ENTPD5: variants seen among roughly 807,000 people sequenced by gnomAD.
ENTPD5 encodes nucleoside diphosphate phosphatase ENTPD5.
Under a neutral mutation model 60.2 loss-of-function variants are expected in ENTPD5, and 49 were observed. The ratio of observed to expected loss-of-function variants is 0.81; its 90% CI spans 0.65 to 1.03. The LOEUF (loss-of-function observed/expected upper bound fraction) is 1.03, where lower values mean the gene tolerates loss of function less well. Ranked by LOEUF, ENTPD5 falls within the 50% of genes least tolerant of loss-of-function variation. The pLI, the probability that ENTPD5 is intolerant of heterozygous loss-of-function variation, is 0.00. For missense variants in ENTPD5, 480 were observed against 507.6 expected (o/e 0.95, Z 0.52); for synonymous variants, 187 against 185.4 (o/e 1.01, Z -0.07).
intron 13 of ENTPD5, 56 bp downstream of exon 13, chr14:73,972,827 TC>T: frequency 6.3e-7 from 1 of 1,586,288 alleles, no homozygotes; most frequent in Non-Finnish European, 8.6e-7. Context: ...TCCTTGACCT[TC>T]CCCACCACAG....
downstream of ENTPD5, chr14:73,961,637 G>A: frequency 6.2e-7 from 1 of 1,600,684 alleles, no homozygotes; most frequent in Non-Finnish European, 8.6e-7. Context: ...AGGGCCCACA[G>A]TAGCAAGAGG....
chr14:73,958,057 G>A (rs1056664879), downstream of ENTPD5: 5 of 1,005,644 alleles, frequency 5.0e-6, no homozygotes, highest in Non-Finnish European at 6.4e-6. Context: ...CTGCTGTCCT[G>A]GGACCTTGCT....
intron 3 of ENTPD5, among the ~76,000 whole-genome samples, chr14:73,993,880 G>C (rs2058234234): frequency 6.7e-6 from 1 of 149,642 alleles, no homozygotes; most frequent in Admixed American, 6.7e-5. Flanking sequence ...AGATTTCAAA[G>C]GTGAAAAAAA....
chr14:73,975,403 CTTTTT>C (rs56885977), intron 10 of ENTPD5, among the ~76,000 whole-genome samples: 7 of 115,566 alleles, frequency 6.1e-5, no homozygotes, highest in Non-Finnish European at 7.0e-5. Flanking sequence ...GCTTTTGATT[CTTTTT>C]TTTTTTTTTT....
chr14:74,000,390 G>A (rs1317944924), intron 3 of ENTPD5, among the ~76,000 whole-genome samples: 1 of 151,172 alleles, frequency 6.6e-6, no homozygotes. Context: ...CCCCTGGGAG[G>A]TGGAGGTTGC....
chr14:73,981,724 T>C (rs1380885317), intron 6 of ENTPD5, among the ~76,000 whole-genome samples: 1 of 151,622 alleles, frequency 6.6e-6, no homozygotes, highest in Non-Finnish European at 1.5e-5. Context: ...GGAGGATTGC[T>C]TGAACCTGGG....
At chr14:73,958,230 G>A (rs150045098), downstream of ENTPD5, 2 of 1,613,950 alleles carry the variant, frequency 1.2e-6, no homozygotes, top group African/African-American at 1.3e-5. Context: ...CAGCCCTTGG[G>A]TTCATATTAC....
downstream of ENTPD5, chr14:73,961,493 G>A: frequency 1.2e-6 from 2 of 1,614,192 alleles, no homozygotes; most frequent in Admixed American, 1.7e-5. Context: ...GCAGGACAGG[G>A]TGTCAACATG....
chr14:73,955,347 T>C (rs2056384143), downstream of ENTPD5: 4 of 841,786 alleles, frequency 4.8e-6, no homozygotes, highest in East Asian at 2.4e-5. Context: ...GAGAGTATTA[T>C]TGAAGAACAC....
At chr14:73,956,060 C>T (rs1054617709), downstream of ENTPD5, 9 of 1,346,260 alleles carry the variant, frequency 6.7e-6, no homozygotes, top group East Asian at 2.4e-5. Context: ...TGCGGTGGCT[C>T]ACGCCTGTAA....
At chr14:73,961,925 T>A, downstream of ENTPD5, 1 of 1,613,772 alleles carries the variant, frequency 6.2e-7, no homozygotes, top group African/African-American at 1.3e-5. Flanking sequence ...CTCAGAGGAA[T>A]GACTTTGCAA....
chr14:73,982,133 G>A (rs989582093), intron 6 of ENTPD5, among the ~76,000 whole-genome samples: 3 of 152,176 alleles, frequency 2.0e-5, no homozygotes, highest in Non-Finnish European at 4.4e-5. Context: ...GGAGTGCAGT[G>A]GTGTGATCTC....
intron 15 of ENTPD5, among the ~76,000 whole-genome samples, chr14:73,969,715 T>TAAATA (rs111494372): frequency 1.1e-4 from 17 of 148,822 alleles, no homozygotes; most frequent in African/African-American, 2.5e-4. Flanking sequence ...AAAAAAATAA[T>TAAATA]AATAAATAAA....
chr14:74,017,351 C>T (rs2059049965), intron 1 of ENTPD5, among the ~76,000 whole-genome samples: 2 of 146,572 alleles, frequency 1.4e-5, no homozygotes, highest in Non-Finnish European at 3.0e-5. Context: ...CATGATCATG[C>T]TGGCAGATGG....
At chr14:73,984,211 A>T (rs933339298) in intron 5 of ENTPD5, among the ~76,000 whole-genome samples, 11 of 152,094 alleles carry the variant, frequency 7.2e-5, no homozygotes, top group African/African-American at 2.7e-4. Context: ...CATGTTTCTT[A>T]TATATAAATC....
chr14:74,004,292 G>A (rs1594943338), intron 3 of ENTPD5, among the ~76,000 whole-genome samples: 1 of 151,666 alleles, frequency 6.6e-6, no homozygotes, highest in Non-Finnish European at 1.5e-5. Context: ...CACAGCCTCC[G>A]AAGTAGCTGG....
At chr14:73,959,515 C>T (rs1280668050), downstream of ENTPD5, 1 of 1,614,036 alleles carries the variant, frequency 6.2e-7, no homozygotes, top group South Asian at 1.1e-5. Context: ...GCCGTTAACT[C>T]TGCCTTTGTG....
intron 3 of ENTPD5, among the ~76,000 whole-genome samples, chr14:73,988,913 TC>T (rs1205285962): frequency 6.6e-6 from 1 of 152,172 alleles, no homozygotes; most frequent in Non-Finnish European, 1.5e-5. Flanking sequence ...AACCTCTGCC[TC>T]CCGGGTTCAT....
In ENTPD5 at chr14:73,964,259, G is replaced by A. The variant is rs1387458719; in HGVS notation, c.*2669C>T. On this transcript the variant is annotated 3_prime_UTR_variant, in exon 16 of 16. Transcript: ENST00000334696. ...TGTCACGTACCAGGCCATGTCCTAAGTATTTTAAATATGTTAACACATCTA... is the reference window on the plus strand; with the variant it reads ...TGTCACGTACCAGGCCATGTCCTAAATATTTTAAATATGTTAACACATCTA... 6.6e-6 allele frequency: 1 copy of A among 152,172 alleles called. No homozygotes were observed. The highest frequency in any genetic ancestry group is 2.4e-5 in the African/African-American group (1 of 41,434). 9.4% of individuals were successfully genotyped at this position (152,172 alleles called of 1,614,324 possible). A position where few individuals can be genotyped will look rare whatever the true frequency, so the allele number is the denominator to read the frequency against.
Sources: gnomAD v4.1 joint callset for allele counts (sites outside exome capture counted in the v4.1 genomes callset) on GRCh38, gnomAD v4.1.1 for gene constraint, MANE v1.5 for transcripts, NCBI Gene and HGNC (gene_info 2026-07-23, HGNC 2026-07-21) for gene names.